Variants in CEP192 observed in about 807,000 individuals in gnomAD.
The protein encoded by CEP192 is centrosomal protein of 192 kDa.
CEP192 carries 151 observed loss-of-function variants against 271.8 expected under a neutral mutation model. The ratio of observed to expected loss-of-function variants is 0.56; its 90% CI spans 0.49 to 0.64. The LOEUF (loss-of-function observed/expected upper bound fraction) is 0.64, where lower values mean the gene tolerates loss of function less well. CEP192 is among the 30% of genes least tolerant of loss of function. The pLI is 0.00. For missense variants in CEP192, 2,910 were observed against 3,020.5 expected, an observed-to-expected ratio of 0.96 and a Z score of 0.86; for synonymous variants, 995 against 1,076.5, an observed-to-expected ratio of 0.92 and a Z score of 1.48.
chr18:13,110,366 G>C (rs1213750189), intron 40 of CEP192, among the ~76,000 whole-genome samples: 2 of 151,582 alleles, frequency 1.3e-5, no homozygotes, highest in South Asian at 4.2e-4. Flanking sequence ...GGTATTGACA[G>C]TTCCACAGAA....
chr18:13,038,311 A>G (rs1334888237), intron 12 of CEP192, 59 bp from the exon 13 acceptor site: 2 of 1,365,452 alleles, frequency 1.5e-6, no homozygotes, highest in Non-Finnish European at 2.0e-6. Flanking sequence ...TTTGTATATT[A>G]GAACAACAGA....
chr18:13,058,949 C>T (rs930375218), intron 20 of CEP192, 133 bp from the exon 21 acceptor site: 5 of 647,924 alleles, frequency 7.7e-6, no homozygotes, highest in Non-Finnish European at 1.4e-5. Context: ...AAGGTTTTGA[C>T]ATTTTTGAAG....
Position 13,113,703 on chromosome 18 carries a change from C to A in CEP192, c.7165C>A (p.Gln2389Lys). The change falls in exon 41 of 45, where the codon CAA (glutamine) becomes AAA (lysine). Residue 2389 changes from glutamine to lysine, a missense_variant and splice_region_variant. Gln to Lys is a moderately conservative substitution (Grantham distance 53). Transcript: ENST00000506447. ...KHTLRFQLSGQSIEAENEPEN... is the reference protein window; with the variant it reads ...KHTLRFQLSGKSIEAENEPEN... ...CACGTTGAGATTCCAACTCTCTGGA[C>A]AAGTGAGTAGTACACTGAATTTAAG... 1 of 1,608,808 alleles carries A rather than the reference C, an allele frequency of 6.2e-7. No individual in the cohort carries two copies. The highest frequency in any genetic ancestry group is 1.3e-5 in the African/African-American group (1 of 74,726).
In CEP192 at chr18:13,087,023, TTGTC is replaced by T; in HGVS notation, c.5626_5629del (p.Ser1876AspfsTer22). The stretch of plus-strand genomic sequence containing the variant: ...ATATGTATATCTTTTTTAGATACCT[TTGTC>T]TGGATATGGAGGAACAAGCAATCTT... On this transcript the variant is annotated frameshift_variant, in exon 31 of 45. Transcript: ENST00000506447. LOFTEE classifies it high-confidence loss of function. The T allele has an allele frequency of 6.2e-7, 1 of 1,605,294 alleles. No individual in the cohort carries two copies. The highest frequency in any genetic ancestry group is 8.5e-7 in the Non-Finnish European group (1 of 1,173,412).
At chr18:13,081,703 C>T (rs535272014) in intron 30 of CEP192, among the ~76,000 whole-genome samples, 32 of 152,038 alleles carry the variant, frequency 2.1e-4, no homozygotes, top group Non-Finnish European at 4.6e-4. Flanking sequence ...TGCTCTTGCT[C>T]CTCTAGTTCT....
intron 28 of CEP192, 64 bp from the exon 29 acceptor site, chr18:13,072,691 A>T: frequency 1.7e-6 from 2 of 1,143,878 alleles, no homozygotes; most frequent in Middle Eastern, 2.0e-4. Context: ...AATTGGCTTT[A>T]TTCTTATAAT....
At chr18:13,098,796 G>A (rs1478498099) in intron 36 of CEP192, among the ~76,000 whole-genome samples, 1 of 152,208 alleles carries the variant, frequency 6.6e-6, no homozygotes, top group African/African-American at 2.4e-5. Flanking sequence ...GGCAGAGGCT[G>A]CAGTCTCGGC....
chr18:13,097,420 C>T (rs769029893), intron 36 of CEP192, among the ~76,000 whole-genome samples: 20 of 152,126 alleles, frequency 1.3e-4, no homozygotes, highest in Non-Finnish European at 2.2e-4. Context: ...TACGGAAACA[C>T]GTTTTTTTCT....
rs745830079 is a variant in CEP192, at chr18:13,117,622, A to T, written c.7454A>T (p.Lys2485Ile). The change falls in exon 44 of 45, where the codon AAA becomes ATA. Residue 2485 changes from lysine to isoleucine, a missense_variant. Physicochemically the swap from Lys to Ile is moderately radical, Grantham distance 102. Coordinates refer to ENST00000506447, the MANE Select transcript of CEP192 (RefSeq NM_032142.4). ...FLSPREPFYV[K>I]HSKYSLRAQH... The stretch of plus-strand genomic sequence containing the variant: ...AGTCCCAGAGAGCCATTCTATGTCA[A>T]ACATTCCAAGTACTCTTTGAGGTAA... 21 of 1,612,874 alleles carry T rather than the reference A, an allele frequency of 1.3e-5. No homozygotes were observed. The South Asian group carries it at 2.0e-4, about 15-fold the overall frequency.
intron 2 of CEP192, 36 bp from the exon 3 acceptor site, chr18:13,001,421 A>T: frequency 7.1e-7 from 1 of 1,414,940 alleles, no homozygotes; most frequent in Non-Finnish European, 9.7e-7. Context: ...TGTGTAATTT[A>T]ATTCTTAACA....
intron 9 of CEP192, among the ~76,000 whole-genome samples, chr18:13,023,064 AT>A (rs1282656660): frequency 6.6e-6 from 1 of 152,052 alleles, no homozygotes; most frequent in Non-Finnish European, 1.5e-5. Context: ...AGTTCCAGGA[AT>A]TTTTTTGTCA....
At chr18:13,034,033 T>C (rs923895734) in intron 11 of CEP192, among the ~76,000 whole-genome samples, 1 of 152,242 alleles carries the variant, frequency 6.6e-6, no homozygotes, top group Non-Finnish European at 1.5e-5. Context: ...TAGTTTTCAG[T>C]ATATACCCTT....
intron 32 of CEP192, among the ~76,000 whole-genome samples, chr18:13,089,196 A>G (rs935193972): frequency 6.6e-6 from 1 of 152,218 alleles, no homozygotes; most frequent in African/African-American, 2.4e-5. Context: ...ATGAAAATGT[A>G]GGACCTGAAA....
At chr18:12,993,480 A>G (rs1337613804) in intron 1 of CEP192, among the ~76,000 whole-genome samples, 1 of 152,156 alleles carries the variant, frequency 6.6e-6, no homozygotes, top group African/African-American at 2.4e-5. Flanking sequence ...ATGCTCCTGT[A>G]TATTTATTTA....
At chr18:13,023,747 T>A (rs559951213) in intron 9 of CEP192, among the ~76,000 whole-genome samples, 1 of 152,318 alleles carries the variant, frequency 6.6e-6, no homozygotes, top group African/African-American at 2.4e-5. Context: ...TCATAGAATC[T>A]GTTAGTAAGT....
At chr18:13,106,216 A>C (rs541864003) in intron 40 of CEP192, among the ~76,000 whole-genome samples, 3 of 152,056 alleles carry the variant, frequency 2.0e-5, no homozygotes, top group Non-Finnish European at 4.4e-5. Flanking sequence ...ATATACAACT[A>C]TGATCCCCCA....
At position 13,099,572 on chromosome 18, in the gene CEP192, T is replaced by C. The variant is rs1254059786; in HGVS notation, c.6654T>C (p.Asp2218=). 4 of 1,536,376 alleles carry C rather than the reference T, an allele frequency of 2.6e-6. No individual in the cohort carries two copies. The highest frequency in any genetic ancestry group is 2.8e-5 in the African/African-American group (2 of 71,616). ...GTTTGATCTATATACACTGTGACGATGGACAGAAGGTACTTTTAAAAGTGG... is the reference window on the plus strand; with the variant it reads ...GTTTGATCTATATACACTGTGACGACGGACAGAAGGTACTTTTAAAAGTGG... ...WSGLIYIHCD[D]GQKKIVKVQI... The change falls in exon 37 of 45, where the codon GAT becomes GAC. Residue 2218 remains aspartate (D), a synonymous_variant. Coordinates refer to ENST00000506447, the MANE Select transcript of CEP192 (RefSeq NM_032142.4).
intron 17 of CEP192, among the ~76,000 whole-genome samples, chr18:13,051,443 A>G (rs2036784550): frequency 6.6e-6 from 1 of 152,230 alleles, no homozygotes; most frequent in East Asian, 1.9e-4. Context: ...TGCGGGAGCT[A>G]AAGAAGGCCT....
chr18:12,993,977 A>G (rs2033052141), intron 1 of CEP192, among the ~76,000 whole-genome samples: 1 of 152,206 alleles, frequency 6.6e-6, no homozygotes, highest in African/African-American at 2.4e-5. Context: ...ACATTTCCCC[A>G]AGAAGCTGCT....
Sources: allele counts gnomAD v4.1 joint callset (sites outside exome capture counted in the v4.1 genomes callset), GRCh38; gene constraint gnomAD v4.1.1; transcripts MANE v1.5; gene names NCBI Gene and HGNC (gene_info 2026-07-23, HGNC 2026-07-21).